Variants in SMIM36 observed in about 807,000 individuals in gnomAD.
SMIM36 encodes small integral membrane protein 36.
At chr17:55,463,432 C>T (rs1909179781) in intron 4 of SMIM36, among the ~76,000 whole-genome samples, 1 of 152,148 alleles carries the variant, frequency 6.6e-6, no homozygotes, top group Non-Finnish European at 1.5e-5. Context: ...TGGCACAAGC[C>T]TGTAACTCAG....
chr17:55,527,539 T>C, the SMIM36 span, among the ~76,000 whole-genome samples: 1 of 152,226 alleles, frequency 6.6e-6, no homozygotes, highest in Non-Finnish European at 1.5e-5. Flanking sequence ...TATTGTCAAC[T>C]AAAGTGACCT....
In SMIM36 at chr17:55,502,915, T is replaced by C. The variant is rs560511176; in HGVS notation, c.*174+7964A>G. Among the ~76,000 whole-genome samples the C allele has an allele frequency of 1.7e-3, 247 of 146,100 alleles. 1 individual carries two copies. The highest frequency in any genetic ancestry group is 3.3e-3 in the Admixed American group (48 of 14,670). ...GAGCTGAAAACCAAGGCTCGAGAAC[T>C]ACGTGAAGAATGCAGAAGCCTCAGG... On this transcript the variant is annotated intron_variant, in intron 1 of 4. Coordinates refer to ENST00000636752, the Ensembl canonical transcript of SMIM36.
At chr17:55,510,842 T>C (rs904862084) in intron 1 of SMIM36, 37 bp downstream of exon 1, 4 of 344,138 alleles carry the variant, frequency 1.2e-5, no homozygotes, top group African/African-American at 2.1e-5. Context: ...AGTTTGCATT[T>C]GGAGAATTTG....
intron 4 of SMIM36, among the ~76,000 whole-genome samples, chr17:55,455,325 C>T (rs1908996527): frequency 6.6e-6 from 1 of 152,008 alleles, no homozygotes; most frequent in African/African-American, 2.4e-5. Context: ...ATCTCTCTGG[C>T]CTCATTTCAT....
At chr17:55,451,087 A>G (rs1263506001) in intron 4 of SMIM36, among the ~76,000 whole-genome samples, 1 of 152,142 alleles carries the variant, frequency 6.6e-6, no homozygotes, top group Non-Finnish European at 1.5e-5. Flanking sequence ...GGGTTTCACC[A>G]TGTTGGTCAG....
chr17:55,528,385 T>C, the SMIM36 span, among the ~76,000 whole-genome samples: 2 of 152,044 alleles, frequency 1.3e-5, no homozygotes, highest in African/African-American at 4.8e-5. Flanking sequence ...AGGGACTTAC[T>C]CTGTCACCCA....
At chr17:55,492,546 C>T (rs778248219) in intron 1 of SMIM36, among the ~76,000 whole-genome samples, 1 of 151,690 alleles carries the variant, frequency 6.6e-6, no homozygotes, top group Non-Finnish European at 1.5e-5. Context: ...GCATGAGCCA[C>T]TGCGCCCGGC....
chr17:55,453,210 G>T (rs930649329), intron 4 of SMIM36, among the ~76,000 whole-genome samples: 2 of 152,118 alleles, frequency 1.3e-5, no homozygotes, highest in African/African-American at 4.8e-5. Flanking sequence ...CAAGCCACTT[G>T]CAAGACTGAG....
intron 1 of SMIM36, among the ~76,000 whole-genome samples, chr17:55,488,569 A>G (rs990078509): frequency 6.6e-6 from 1 of 152,158 alleles, no homozygotes; most frequent in African/African-American, 2.4e-5. Context: ...CTCATTTACT[A>G]TTATGTGATT....
chr17:55,463,098 G>GC (rs1240335400), intron 4 of SMIM36, among the ~76,000 whole-genome samples: 2 of 152,150 alleles, frequency 1.3e-5, no homozygotes, highest in African/African-American at 2.4e-5. Context: ...ATACATAACT[G>GC]CCCCCCACCC....
intron 4 of SMIM36, among the ~76,000 whole-genome samples, chr17:55,462,716 AG>A (rs1213369319): frequency 6.6e-6 from 1 of 152,246 alleles, no homozygotes; most frequent in African/African-American, 2.4e-5. Flanking sequence ...TAGTTTTTTA[AG>A]GGACTAGCAC....
exon 2 of SMIM36, chr17:55,479,507 C>T (rs1032960272): frequency 6.6e-6 from 1 of 152,224 alleles, no homozygotes; most frequent in African/African-American, 2.4e-5. Context: ...ATTGCTTGAA[C>T]CAGTAGGCAG....
chr17:55,493,610 C>T (rs1403548437), intron 1 of SMIM36, among the ~76,000 whole-genome samples: 1 of 151,830 alleles, frequency 6.6e-6, no homozygotes, highest in Non-Finnish European at 1.5e-5. Flanking sequence ...AGGAGTTTGA[C>T]GCCAGCCTGG....
At chr17:55,454,183 A>C (rs1399191287) in intron 4 of SMIM36, 1 of 152,100 alleles carries the variant, frequency 6.6e-6, no homozygotes, top group African/African-American at 2.4e-5. Flanking sequence ...TTCATATTTA[A>C]AAAGTGGGTT....
At chr17:55,520,920 C>T in the SMIM36 span, among the ~76,000 whole-genome samples, 4 of 152,004 alleles carry the variant, frequency 2.6e-5, no homozygotes, top group Non-Finnish European at 4.4e-5. Context: ...AACCTGAGGC[C>T]CGAGACCAAC....
At chr17:55,514,643 C>G (rs78705562), upstream of SMIM36, among the ~76,000 whole-genome samples, 6,194 of 152,104 alleles carry the variant, frequency 0.041, 389 homozygotes, top group African/African-American at 0.14. Context: ...CATTCAAGAC[C>G]CATTGGGCAG....
the SMIM36 span, among the ~76,000 whole-genome samples, chr17:55,523,259 T>C: frequency 6.6e-6 from 1 of 151,952 alleles, no homozygotes; most frequent in South Asian, 2.1e-4. Flanking sequence ...GGGCTGGGTG[T>C]GGTGGCTCAT....
chr17:55,517,568 C>A, the SMIM36 span, among the ~76,000 whole-genome samples: 2 of 152,116 alleles, frequency 1.3e-5, no homozygotes, highest in African/African-American at 4.8e-5. Flanking sequence ...GTTACAACAA[C>A]AACAACAACA....
rs1396095812 is a variant in SMIM36, at chr17:55,472,830, G to C, written c.*348-5502C>G. 3.4e-5 allele frequency among the ~76,000 whole-genome samples: 5 copies of C among 146,000 alleles called. No homozygotes were observed. In the Admixed American group the frequency reaches 3.5e-4, roughly 10 times the overall value. Reference sequence around the variant, plus strand: ...TTGCAGTGAGCCGAGATTGGCCACTGTACTCCAGCCTGGGAGACAGAGCGA... The same window carrying C: ...TTGCAGTGAGCCGAGATTGGCCACTCTACTCCAGCCTGGGAGACAGAGCGA... On this transcript the variant is annotated intron_variant, in intron 3 of 4. Coordinates refer to ENST00000636752, the Ensembl canonical transcript of SMIM36.
Sources: allele counts gnomAD v4.1 joint callset (sites outside exome capture counted in the v4.1 genomes callset), GRCh38; gene constraint gnomAD v4.1.1; transcripts MANE v1.5; gene names NCBI Gene and HGNC (gene_info 2026-07-23, HGNC 2026-07-21).